Variants in APOB observed in about 807,000 individuals in gnomAD.
APOB encodes apolipoprotein B-100.
A neutral mutation model predicts 314.1 loss-of-function variants in APOB; 153 were observed. The observed-to-expected ratio is 0.49, with a 90% CI of 0.43 to 0.56. The LOEUF (loss-of-function observed/expected upper bound fraction) is 0.56, where lower values mean the gene tolerates loss of function less well. Ranked by LOEUF, APOB falls within the 20% of genes least tolerant of loss-of-function variation. APOB has a pLI of 0.00. For synonymous variants in APOB, 2,087 were observed against 2,036.4 expected, an observed-to-expected ratio of 1.02 and a Z score of -0.67; for missense variants, 5,430 against 5,350.7, an observed-to-expected ratio of 1.01 and a Z score of -0.46.
chr2:21,015,441 A>T lies in APOB; in HGVS notation c.3437T>A (p.Leu1146Gln). 6.2e-7 allele frequency: 1 copy of T among 1,614,212 alleles called. No homozygotes were observed. The highest frequency in any genetic ancestry group is 1.1e-5 in the South Asian group (1 of 91,082). ...AGCAGATGAGTCCATTTGGAGAAGC[A>T]GTTTGGCAGGCGACCAGTGGGCGAG... ...EILAHWSPAK[L>Q]LLQMDSSATA... Residue 1146 changes from leucine (L) to glutamine (Q), a missense_variant, in exon 22 of 29, where the codon CTG becomes CAG. This residue lies in a region of APOB where 2,085 missense variants were observed against 2,079.7 expected (regional missense o/e 1.00). Coordinates refer to ENST00000233242, the MANE Select transcript of APOB (RefSeq NM_000384.3).
intron 3 of APOB, 38 bp from the exon 4 acceptor site, chr2:21,041,121 T>A: frequency 2.5e-6 from 4 of 1,601,952 alleles, no homozygotes; most frequent in East Asian, 4.5e-5. Flanking sequence ...AGGTTGTCTA[T>A]CAAGAATGAG....
chr2:21,010,376 T>A lies in APOB; in HGVS notation c.6492A>T (p.Lys2164Asn). 6.3e-7 allele frequency: 1 copy of A among 1,581,714 alleles called. No individual in the cohort carries two copies. The highest frequency in any genetic ancestry group is 8.6e-7 in the Non-Finnish European group (1 of 1,162,184). The change falls in exon 26 of 29, where the codon AAA (lysine) becomes AAT (asparagine). Residue 2164 changes from lysine to asparagine, a missense_variant. Physicochemically the swap from Lys to Asn is moderately conservative, Grantham distance 94. Transcript: ENST00000233242. ...NDIQIALDDA[K>N]INFNEKLSQL... is the part of the protein sequence containing the mutation. ...GAGATAGTTTTTCATTAAAGTTGAT[T>A]TTGGCATCATCTAATGCAATTTGTA...
rs1572777188 is a variant in APOB at position 21,005,163 on chromosome 2, A to C, written c.11705T>G (p.Leu3902Trp). The C allele has an allele frequency of 6.2e-7, 1 of 1,613,932 alleles. No individual in the cohort carries two copies. The highest frequency in any genetic ancestry group is 1.3e-5 in the African/African-American group (1 of 74,902). The change falls in exon 26 of 29, where the codon TTG becomes TGG. Residue 3902 changes from leucine (L) to tryptophan (W), a missense_variant. By Grantham distance (61) the Leu-to-Trp change is moderately conservative. Transcript: ENST00000233242. ...TTCAACATAATCTGCTTTGTTTTTC[A>C]AACTGGCACTCCAAGTGGCATTATA... ...PVYNATWSASLKNKADYVETV... is the reference protein window; with the variant it reads ...PVYNATWSASWKNKADYVETV...
Position 21,043,897 on chromosome 2 carries a change from GCGCAGGCAGCGCCA to G in APOB, c.35_48del (p.Leu12ProfsTer41). 2 of 1,431,256 alleles carry G rather than the reference GCGCAGGCAGCGCCA, an allele frequency of 1.4e-6. No homozygotes were observed. Among genetic ancestry groups the G allele is most frequent in the Non-Finnish European group, 1.8e-6 (2 of 1,095,928 alleles). 88.7% of individuals were successfully genotyped at this position (1,431,256 alleles called of 1,614,324 possible). A position where few individuals can be genotyped will look rare whatever the true frequency, so the allele number is the denominator to read the frequency against. On this transcript the variant is annotated frameshift_variant, in exon 1 of 29. Coordinates refer to ENST00000233242, the MANE Select transcript of APOB (RefSeq NM_000384.3). LOFTEE classifies it high-confidence loss of function. ...GCGCCCGCCAGCAGCAGCAGCAGCA[GCGCAGGCAGCGCCA>G]GCAGCGCCAGCAGCGCGGGCCTCGG...
chr2:21,027,515 G>A (rs1390899332), intron 14 of APOB, among the ~76,000 whole-genome samples: 4 of 151,976 alleles, frequency 2.6e-5, no homozygotes, highest in Non-Finnish European at 5.9e-5. Context: ...GGCTTTCACC[G>A]TGTTAGCCAG....
At position 21,011,954 on chromosome 2, in the gene APOB, A is replaced by G. The variant is rs899936604; in HGVS notation, c.4914T>C (p.Ser1638=). 1.2e-6 allele frequency: 2 copies of G among 1,613,942 alleles called. No individual in the cohort carries two copies. The highest frequency in any genetic ancestry group is 1.3e-5 in the African/African-American group (1 of 74,916). The change falls in exon 26 of 29, where the codon AGT becomes AGC. Residue 1638 remains serine, a synonymous_variant. Transcript: ENST00000233242. The part of the protein sequence containing the change: ...ADILGTDKIN[S]GAHKATLRIG... ...TCCTTAGTGTCGCCTTGTGAGCACC[A>G]CTATTAATTTTGTCAGTGCCTAAGA...
rs1357590656 is a variant in APOB at position 21,033,306 on chromosome 2, C to A, written c.1117G>T (p.Val373Leu). 2.5e-6 allele frequency: 4 copies of A among 1,612,914 alleles called. No homozygotes were observed. Among genetic ancestry groups the A allele is most frequent in the South Asian group, 1.1e-5 (1 of 91,052 alleles). ...GCTGTAACCATTAGATACCTGGACACCTCAATCAGCTGTGGCAAGAGAGAT... is the reference window on the plus strand; with the variant it reads ...GCTGTAACCATTAGATACCTGGACAACTCAATCAGCTGTGGCAAGAGAGAT... The part of the protein sequence containing the change: ...VTSLLPQLIE[V>L]SSPITLQALV... Residue 373 changes from valine (V) to leucine (L), a missense_variant, in exon 9 of 29, where the codon GTG (valine) becomes TTG (leucine). This residue lies in a region of APOB where 2,085 missense variants were observed against 2,079.7 expected (regional missense o/e 1.00). Coordinates refer to ENST00000233242, the MANE Select transcript of APOB (RefSeq NM_000384.3).
In APOB at chr2:21,002,023, C is replaced by T. The variant is rs1407600482; in HGVS notation, c.13399G>A (p.Ala4467Thr). 3 of 1,614,014 alleles carry T rather than the reference C, an allele frequency of 1.9e-6. No homozygotes were observed. Among genetic ancestry groups the T allele is most frequent in the Non-Finnish European group, 2.5e-6 (3 of 1,179,972 alleles). The change falls in exon 29 of 29, where the codon GCA becomes ACA. Residue 4467 changes from alanine to threonine, a missense_variant. By Grantham distance (58) the Ala-to-Thr change is moderately conservative. Transcript: ENST00000233242. ...TCCTGAGCAGTGGCAGAAAGCTCTG[C>T]AATCTTCTCTTTCCCTTTTCCATCT... ...DPDGKGKEKI[A>T]ELSATAQEII...
rs12713457 is a variant in APOB, at chr2:21,002,638, G to A, written c.12784C>T (p.Leu4262=). 92 of 1,613,818 alleles carry A rather than the reference G, an allele frequency of 5.7e-5. No individual in the cohort carries two copies. In the African/African-American group the frequency reaches 1.1e-3, roughly 18 times the overall value. ...TLPFELRKHK[L]IDVISMYREL... The stretch of plus-strand genomic sequence containing the variant: ...CTATACATCGAGATTACATCTATTA[G>A]TTTATGTTTCCTTAACTCGAAAGGA... The change falls in exon 29 of 29, where the codon CTA becomes TTA. Residue 4262 remains leucine (L), a synonymous_variant. Transcript: ENST00000233242.
In APOB at chr2:21,034,764, T is replaced by A; in HGVS notation, c.904+52A>T. 3.0e-6 allele frequency: 3 copies of A among 1,016,824 alleles called. No homozygotes were observed. The South Asian group carries it at 3.8e-5, about 13-fold the overall frequency. The allele number at this position is 1,016,824 out of a possible 1,614,324, so 63.0% of individuals were successfully genotyped here. ...GGCTCAGCAAGTGGCTAAGCCATGA[T>A]AGGCACATCTTGAGTAGATTTTCCA... On this transcript the variant is annotated intron_variant, in intron 8 of 28. Transcript: ENST00000233242.
chr2:21,029,547 C>A (rs2103376606), intron 12 of APOB, 92 bp downstream of exon 12: 1 of 1,389,406 alleles, frequency 7.2e-7, no homozygotes, highest in South Asian at 1.2e-5. Flanking sequence ...AGAATAAAGT[C>A]AGTAGATGAA....
rs764691839 is a variant in APOB, at chr2:21,015,398, T to C, written c.3480A>G (p.Thr1160=). ...MDSSATAYGS[T]VSKRVAWHYD... is the part of the protein sequence containing the mutation. Reference sequence around the variant, plus strand: ...AATGCCATGCCACCCTCTTGGAAACTGTGGAGCCATAAGCTGTAGCAGATG... The same window carrying C: ...AATGCCATGCCACCCTCTTGGAAACCGTGGAGCCATAAGCTGTAGCAGATG... Residue 1160 remains threonine, a synonymous_variant, in exon 22 of 29, where the codon ACA becomes ACG. Coordinates refer to ENST00000233242, the MANE Select transcript of APOB (RefSeq NM_000384.3). 4 of 1,614,194 alleles carry C rather than the reference T, an allele frequency of 2.5e-6. No individual in the cohort carries two copies. In the South Asian group the frequency reaches 3.3e-5, roughly 13 times the overall value.
rs1306049892 is a variant in APOB, at chr2:21,029,972, T to C, written c.1396A>G (p.Ile466Val). The change falls in exon 11 of 29, where the codon ATT becomes GTT. Residue 466 changes from isoleucine to valine, a missense_variant. By Grantham distance (29) the Ile-to-Val change is conservative. Transcript: ENST00000233242. Reference protein sequence around the residue: ...NPTGTQELLDIANYLMEQIQD... With the variant: ...NPTGTQELLDVANYLMEQIQD... ...ATCTGTTCCATCAGGTAATTAGCAATGTCCAGCAGCTCCTGGGTCCCTGTA... is the reference window on the plus strand; with the variant it reads ...ATCTGTTCCATCAGGTAATTAGCAACGTCCAGCAGCTCCTGGGTCCCTGTA... 4 of 1,614,048 alleles carry C rather than the reference T, an allele frequency of 2.5e-6. No homozygotes were observed. Among genetic ancestry groups the C allele is most frequent in the Admixed American group, 1.7e-5 (1 of 60,026 alleles).
At position 21,026,899 on chromosome 2, in the gene APOB, GA is replaced by G; in HGVS notation, c.2132del (p.Phe711SerfsTer24). The G allele has an allele frequency of 6.2e-7, 1 of 1,614,078 alleles. No individual in the cohort carries two copies. The highest frequency in any genetic ancestry group is 2.2e-5 in the East Asian group (1 of 44,876). ...ACAAAGCTTTGTTGACACTGTCTGG[GA>G]AAAATCCTTGCTTCCCAAAAAGAGC... ...LEALFGKQGF[F>X]PDSVNKALYW... On this transcript the variant is annotated frameshift_variant, in exon 15 of 29. Transcript: ENST00000233242. LOFTEE classifies it high-confidence loss of function.
Position 21,004,309 on chromosome 2 carries a change from T to A in APOB, c.12047A>T (p.Asp4016Val). The change falls in exon 28 of 29, where the codon GAT (aspartate) becomes GTT (valine). Residue 4016 changes from aspartate (D) to valine (V), a missense_variant. By Grantham distance (152) the Asp-to-Val change is radical. This residue lies in a region of APOB where 3,281 missense variants were observed against 3,171.0 expected (regional missense o/e 1.03). Coordinates refer to ENST00000233242, the MANE Select transcript of APOB (RefSeq NM_000384.3). ...VGTVGMDMDE[D>V]DDFSKWNFYY... ...GAAGTTCCATTTAGAAAAGTCGTCA[T>A]CTTCATCCATATCCATGCCCACGGT... is the stretch of plus-strand genomic sequence containing the variant. 6.2e-7 allele frequency: 1 copy of A among 1,614,002 alleles called. No individual in the cohort carries two copies. Among genetic ancestry groups the A allele is most frequent in the Non-Finnish European group, 8.5e-7 (1 of 1,179,906 alleles).
chr2:21,005,514 G>A lies in APOB; in HGVS notation c.11354C>T (p.Thr3785Ile), dbSNP rs143710616. 3.6e-4 allele frequency: 578 copies of A among 1,614,014 alleles called. 2 individuals carry two copies. The highest frequency in any genetic ancestry group is 2.5e-3 in the Middle Eastern group (15 of 6,062). ...TTCAGGGAATTTTACCTCGGGGAGTGTTGGTAGGTTGAGGGCAAATGATGA... is the reference window on the plus strand; with the variant it reads ...TTCAGGGAATTTTACCTCGGGGAGTATTGGTAGGTTGAGGGCAAATGATGA... ...RTSSFALNLP[T>I]LPEVKFPEVD... The change falls in exon 26 of 29, where the codon ACA (threonine) becomes ATA (isoleucine). Residue 3785 changes from threonine to isoleucine, a missense_variant. Around this residue, in one of 3 missense-constraint regions of APOB, gnomAD observed 3,281 missense variants for 3,171.0 expected, o/e 1.03. Coordinates refer to ENST00000233242, the MANE Select transcript of APOB (RefSeq NM_000384.3).
chr2:21,012,246 G>T lies in APOB; in HGVS notation c.4622C>A (p.Thr1541Asn). 6.2e-7 allele frequency: 1 copy of T among 1,612,100 alleles called. No homozygotes were observed. Among genetic ancestry groups the T allele is most frequent in the Non-Finnish European group, 8.5e-7 (1 of 1,178,458 alleles). The stretch of plus-strand genomic sequence containing the variant: ...ATCAGAGGTGGAGGTGAGGGAGAGG[G>T]TTCCATCTTCATATCTTCCTGTTAT... ...NQITGRYEDG[T>N]LSLTSTSDLQ... The change falls in exon 26 of 29, where the codon ACC becomes AAC. Residue 1541 changes from threonine to asparagine, a missense_variant. By Grantham distance (65) the Thr-to-Asn change is moderately conservative. Coordinates refer to ENST00000233242, the MANE Select transcript of APOB (RefSeq NM_000384.3).
chr2:21,041,003 G>A lies in APOB; in HGVS notation c.318C>T (p.Asn106=), dbSNP rs371662800. 1.9e-6 allele frequency: 3 copies of A among 1,613,850 alleles called. No individual in the cohort carries two copies. The highest frequency in any genetic ancestry group is 3.3e-5 in the Admixed American group (2 of 60,018). The part of the protein sequence containing the change: ...QCTLKEVYGF[N]PEGKALLKKT... ...TCTTCAGCAAGGCTTTGCCCTCAGG[G>A]TTGAAGCCATACACCTCTTTCAGGG... Residue 106 remains asparagine (N), a synonymous_variant, in exon 4 of 29, where the codon AAC becomes AAT. Transcript: ENST00000233242.
In APOB at chr2:21,004,673, A is replaced by C. The variant is rs72654415; in HGVS notation, c.11791T>G (p.Leu3931Val). The change falls in exon 27 of 29, where the codon TTG becomes GTG. Residue 3931 changes from leucine (L) to valine (V), a missense_variant and splice_region_variant. Coordinates refer to ENST00000233242, the MANE Select transcript of APOB (RefSeq NM_000384.3). ...VQFLEYELNV[L>V]GTHKIEDGTL... The stretch of plus-strand genomic sequence containing the variant: ...CCATCTTCGATTTTGTGTGTTCCCA[A>C]AACTGTATAGGAGAGATTTTGTATT... The C allele has an allele frequency of 1.2e-6, 2 of 1,608,724 alleles. No homozygotes were observed. Among genetic ancestry groups the C allele is most frequent in the Non-Finnish European group, 8.5e-7 (1 of 1,175,156 alleles).
Sources: allele counts gnomAD v4.1 joint callset (sites outside exome capture counted in the v4.1 genomes callset), GRCh38; gene constraint gnomAD v4.1.1; regional missense constraint gnomAD v4.1.1; transcripts MANE v1.5; gene names NCBI Gene and HGNC (gene_info 2026-07-23, HGNC 2026-07-21).